Variants in VTI1B observed in about 807,000 individuals in gnomAD.
VTI1B encodes vesicle transport through interaction with t-SNAREs homolog 1B.
A neutral mutation model predicts 28.6 loss-of-function variants in VTI1B; 18 were observed. The observed-to-expected ratio is 0.63, with a 90% CI of 0.43 to 0.93. VTI1B has a LOEUF of 0.93. VTI1B is among the 40% of genes least tolerant of loss of function. The pLI is 0.00. For missense variants in VTI1B, 283 were observed against 297.0 expected (o/e 0.95, Z 0.35); for synonymous variants, 100 against 107.9 (o/e 0.93, Z 0.46).
chr14:67,670,356 T>C (rs1029080724), intron 1 of VTI1B, among the ~76,000 whole-genome samples: 4 of 152,062 alleles, frequency 2.6e-5, no homozygotes, highest in African/African-American at 7.2e-5. Flanking sequence ...CCACATACAT[T>C]CTAAGCTCCA....
chr14:67,664,422 T>C (rs779997337), intron 1 of VTI1B, among the ~76,000 whole-genome samples: 6 of 152,202 alleles, frequency 3.9e-5, no homozygotes, highest in Non-Finnish European at 8.8e-5. Context: ...TATGGGGATA[T>C]GGCCTTTTAA....
rs1594839982 is a variant in VTI1B at position 67,665,262 on chromosome 14, T to G, written c.116-2727A>C. ...CAGCATCTAATGTCAGTTATATCTT[T>G]TTTTTTTTTTTTTTTTGAGACAGTC... On this transcript the variant is annotated intron_variant, in intron 1 of 5. Transcript: ENST00000554659. Among the ~76,000 whole-genome samples, 3 of 111,016 alleles carry G rather than the reference T, an allele frequency of 2.7e-5. No individual in the cohort carries two copies. In the East Asian group the frequency reaches 9.3e-4, roughly 35 times the overall value. 72.8% of individuals were successfully genotyped at this position (111,016 alleles called of 152,430 possible).
Position 67,649,330 on chromosome 14 carries a change from TG to T in VTI1B, c.*2054del, listed in dbSNP as rs2037142145. On this transcript the variant is annotated 3_prime_UTR_variant, in exon 6 of 6. Transcript: ENST00000554659. ...TGACCCCAGGGGTTCAAGACCAGCG[TG>T]GGCAACATAGTGTGACCCCGTTTCT... is the stretch of plus-strand genomic sequence containing the variant. The T allele has an allele frequency of 6.6e-6, 1 of 152,120 alleles. No homozygotes were observed. Among genetic ancestry groups the T allele is most frequent in the Non-Finnish European group, 1.5e-5 (1 of 68,050 alleles). The allele number at this position is 152,120 out of a possible 1,614,324, so 9.4% of individuals were successfully genotyped here.
intron 4 of VTI1B, among the ~76,000 whole-genome samples, chr14:67,654,671 T>C (rs2037231233): frequency 6.6e-6 from 1 of 152,180 alleles, no homozygotes; most frequent in African/African-American, 2.4e-5. Flanking sequence ...GGCCACAGTA[T>C]GTTTTTCAAA....
At chr14:67,658,638 C>G (rs1399509011) in intron 3 of VTI1B, among the ~76,000 whole-genome samples, 6 of 152,160 alleles carry the variant, frequency 3.9e-5, no homozygotes, top group Non-Finnish European at 8.8e-5. Context: ...AATTTTAAAG[C>G]AAAATTGTTT....
chr14:67,662,946 T>C (rs1266665151), intron 1 of VTI1B: 11 of 1,322,926 alleles, frequency 8.3e-6, no homozygotes, highest in Non-Finnish European at 1.1e-5. Context: ...AGTGACTCTC[T>C]GAAACCCCTC....
At chr14:67,662,882 A>T in intron 1 of VTI1B, 1 of 1,201,948 alleles carries the variant, frequency 8.3e-7, no homozygotes, top group Non-Finnish European at 1.0e-6. Context: ...CAGCCTGGGC[A>T]ATAGAGCAAG....
intron 1 of VTI1B, among the ~76,000 whole-genome samples, chr14:67,668,944 AG>A (rs1221770835): frequency 6.6e-6 from 1 of 152,194 alleles, no homozygotes; most frequent in Admixed American, 6.5e-5. Flanking sequence ...TCAGAAAATA[AG>A]TACTCTGGAA....
At chr14:67,664,559 C>T (rs2037377885) in intron 1 of VTI1B, among the ~76,000 whole-genome samples, 1 of 149,278 alleles carries the variant, frequency 6.7e-6, no homozygotes, top group Non-Finnish European at 1.5e-5. Flanking sequence ...TGCAGTGGCT[C>T]GGTCTCGGTT....
At chr14:67,673,881 C>T (rs578079569) in intron 1 of VTI1B, among the ~76,000 whole-genome samples, 4 of 152,080 alleles carry the variant, frequency 2.6e-5, no homozygotes, top group Non-Finnish European at 4.4e-5. Context: ...CATCTAAATG[C>T]CACAATCAGG....
At chr14:67,664,740 C>G (rs2037379527) in intron 1 of VTI1B, among the ~76,000 whole-genome samples, 1 of 152,194 alleles carries the variant, frequency 6.6e-6, no homozygotes, top group Non-Finnish European at 1.5e-5. Context: ...CTCAAGTGAT[C>G]CATCCACCTC....
rs753076633 is a variant in VTI1B, at chr14:67,653,501, G to A, written c.541-3C>T. 5.0e-6 allele frequency: 8 copies of A among 1,613,038 alleles called. No homozygotes were observed. Among genetic ancestry groups the A allele is most frequent in the Non-Finnish European group, 6.8e-6 (8 of 1,179,080 alleles). On this transcript the variant is annotated splice_region_variant and splice_polypyrimidine_tract_variant and intron_variant, in intron 4 of 5. Transcript: ENST00000554659. ...AAGTTTTCACTTGTGTTTACCAGCT[G>A]AGAAGAGAAAATAGTGATTATTTCC...
In VTI1B at chr14:67,653,440, C is replaced by G; in HGVS notation, c.599G>C (p.Arg200Thr). ...TCATGACTTTAATAAAACTTACTTT[C>G]TGGACATTGAACGGAGAATCTTCCG... ...KSRKILRSMSRKVTTNKLLLS... is the reference protein window; with the variant it reads ...KSRKILRSMSTKVTTNKLLLS... Residue 200 changes from arginine (R) to threonine (T), a missense_variant, in exon 5 of 6, where the codon AGA (arginine) becomes ACA (threonine). Arg to Thr is a moderately conservative substitution (Grantham distance 71). Transcript: ENST00000554659. 1.2e-6 allele frequency: 2 copies of G among 1,613,800 alleles called. No homozygotes were observed. Among genetic ancestry groups the G allele is most frequent in the Non-Finnish European group, 1.7e-6 (2 of 1,179,808 alleles).
intron 2 of VTI1B, among the ~76,000 whole-genome samples, chr14:67,661,883 C>T (rs993161607): frequency 3.5e-4 from 53 of 152,200 alleles, no homozygotes; most frequent in Admixed American, 2.9e-3. Context: ...AGGCCAGGCA[C>T]GGTGGCTCAT....
intron 1 of VTI1B, among the ~76,000 whole-genome samples, chr14:67,672,345 G>A (rs567837132): frequency 1.1e-4 from 17 of 151,000 alleles, no homozygotes; most frequent in Non-Finnish European, 4.4e-5. Context: ...TCTCAAAATC[G>A]TTCAACACAG....
At position 67,651,242 on chromosome 14, in the gene VTI1B, C is replaced by T; in HGVS notation, c.*143G>A. On this transcript the variant is annotated 3_prime_UTR_variant, in exon 6 of 6. Transcript: ENST00000554659. ...CACATTTAAGTGGTTTTTCATCTTT[C>T]CTCCCTCCTCCCACAGCCTGGCTAT... The T allele has an allele frequency of 6.7e-7, 1 of 1,495,486 alleles. No homozygotes were observed. Among genetic ancestry groups the T allele is most frequent in the Admixed American group, 2.3e-5 (1 of 43,018 alleles). 92.6% of individuals were successfully genotyped at this position (1,495,486 alleles called of 1,614,324 possible). A position where few individuals can be genotyped will look rare whatever the true frequency, so the allele number is the denominator to read the frequency against.
intron 1 of VTI1B, among the ~76,000 whole-genome samples, chr14:67,673,327 G>C (rs979180454): frequency 3.3e-5 from 5 of 151,984 alleles, no homozygotes; most frequent in Non-Finnish European, 5.9e-5. Flanking sequence ...CTGGGTGACA[G>C]AGTGAGACCC....
At chr14:67,671,018 T>C (rs1031358351) in intron 1 of VTI1B, among the ~76,000 whole-genome samples, 2 of 152,244 alleles carry the variant, frequency 1.3e-5, no homozygotes, top group Non-Finnish European at 2.9e-5. Context: ...CTGAAAACTT[T>C]ATGATGTGGT....
intron 1 of VTI1B, chr14:67,663,322 T>A (rs1471411600): frequency 1.6e-6 from 1 of 622,988 alleles, no homozygotes; most frequent in Admixed American, 3.4e-5. Flanking sequence ...GTTTCATTTT[T>A]AAATAACATT....
Sources: allele counts gnomAD v4.1 joint callset (sites outside exome capture counted in the v4.1 genomes callset), GRCh38; gene constraint gnomAD v4.1.1; transcripts MANE v1.5; gene names NCBI Gene and HGNC (gene_info 2026-07-23, HGNC 2026-07-21).